The following SLC10A6 variants were observed in gnomAD, a reference collection of about 807,000 sequenced individuals.
SLC10A6 encodes the protein sodium-dependent organic anion transporter.
A neutral mutation model predicts 30.0 loss-of-function variants in SLC10A6; 27 were observed. The ratio of observed to expected loss-of-function variants is 0.90; its 90% CI spans 0.66 to 1.24. The LOEUF (loss-of-function observed/expected upper bound fraction) is 1.24. Ranked by LOEUF, SLC10A6 falls within the 50% of genes most tolerant of loss-of-function variation. SLC10A6 has a pLI of 0.00. For missense variants in SLC10A6, 439 were observed against 457.0 expected, an observed-to-expected ratio of 0.96 and a Z score of 0.36; for synonymous variants, 166 against 173.8, an observed-to-expected ratio of 0.95 and a Z score of 0.36.
chr4:86,834,892 G>A (rs1000178970), intron 1 of SLC10A6, among the ~76,000 whole-genome samples: 3 of 152,054 alleles, frequency 2.0e-5, no homozygotes, highest in South Asian at 2.1e-4. Context: ...AGGGAGCAAG[G>A]GAGAGTGAGA....
At chr4:86,842,036 C>T (rs1746300802) in intron 1 of SLC10A6, among the ~76,000 whole-genome samples, 1 of 152,132 alleles carries the variant, frequency 6.6e-6, no homozygotes, top group South Asian at 2.1e-4. Context: ...TACATAATAA[C>T]TCTATGTGTG....
chr4:86,824,720 C>T (rs145014941), intron 5 of SLC10A6, among the ~76,000 whole-genome samples: 1 of 152,134 alleles, frequency 6.6e-6, no homozygotes, highest in East Asian at 1.9e-4. Context: ...TCAACCTTCG[C>T]CCCCTCCCTC....
At chr4:86,839,481 C>G (rs771377934) in intron 1 of SLC10A6, among the ~76,000 whole-genome samples, 2 of 152,024 alleles carry the variant, frequency 1.3e-5, no homozygotes, top group Non-Finnish European at 2.9e-5. Context: ...TTATAATATA[C>G]CTTACTCTGC....
At chr4:86,834,366 T>G (rs1435798912) in intron 1 of SLC10A6, among the ~76,000 whole-genome samples, 2 of 152,188 alleles carry the variant, frequency 1.3e-5, no homozygotes, top group Non-Finnish European at 2.9e-5. Context: ...ACCTGTTTTA[T>G]TTAGAAATTA....
chr4:86,835,621 C>G (rs1157817998), intron 1 of SLC10A6, among the ~76,000 whole-genome samples: 1 of 151,566 alleles, frequency 6.6e-6, no homozygotes, highest in Non-Finnish European at 1.5e-5. Flanking sequence ...GAGCCACGAT[C>G]ATGCCACTGC....
intron 1 of SLC10A6, among the ~76,000 whole-genome samples, chr4:86,843,468 C>T (rs779006918): frequency 3.3e-5 from 5 of 152,128 alleles, no homozygotes; most frequent in Non-Finnish European, 5.9e-5. Flanking sequence ...GGAAGGGGGA[C>T]ATTTGGACTT....
At chr4:86,848,371 A>G (rs999429126) in intron 1 of SLC10A6, among the ~76,000 whole-genome samples, 1 of 152,184 alleles carries the variant, frequency 6.6e-6, no homozygotes, top group Non-Finnish European at 1.5e-5. Context: ...GGCTGCTACC[A>G]AACCACAATC....
At chr4:86,832,877 A>C (rs943507425) in intron 2 of SLC10A6, among the ~76,000 whole-genome samples, 8 of 152,218 alleles carry the variant, frequency 5.3e-5, no homozygotes, top group African/African-American at 1.9e-4. Context: ...AGGTGAAGTC[A>C]CAGGAAGGTC....
In SLC10A6 at chr4:86,823,882, T is replaced by G. The variant is rs1299420540; in HGVS notation, c.940A>C (p.Arg314=). Residue 314 remains arginine (R), a synonymous_variant, in exon 6 of 6, where the codon AGA becomes CGA. Coordinates refer to ENST00000273905, the MANE Select transcript of SLC10A6 (RefSeq NM_197965.3). The part of the protein sequence containing the change: ...IVAAYQTYKR[R]LKNKHGKKNS... ...TTTTTTCCATGTTTGTTCTTCAATCTCCTCTTGTACGTCTGATATGCTAGG... is the reference window on the plus strand; with the variant it reads ...TTTTTTCCATGTTTGTTCTTCAATCGCCTCTTGTACGTCTGATATGCTAGG... The G allele has an allele frequency of 1.2e-6, 2 of 1,612,272 alleles. No individual in the cohort carries two copies. The highest frequency in any genetic ancestry group is 2.7e-5 in the African/African-American group (2 of 74,874).
At chr4:86,843,327 T>G (rs1746340818) in intron 1 of SLC10A6, among the ~76,000 whole-genome samples, 1 of 152,058 alleles carries the variant, frequency 6.6e-6, no homozygotes, top group African/African-American at 2.4e-5. Flanking sequence ...ATATAGTAGG[T>G]GAGGCAGACA....
chr4:86,836,301 T>C (rs1007799390), intron 1 of SLC10A6, among the ~76,000 whole-genome samples: 1 of 152,184 alleles, frequency 6.6e-6, no homozygotes, highest in African/African-American at 2.4e-5. Context: ...AGTACTTGGT[T>C]TGAAGTCCTC....
rs142524007 is a variant in SLC10A6, at chr4:86,839,796, C to T, written c.378-6372G>A. On this transcript the variant is annotated intron_variant, in intron 1 of 5. Coordinates refer to ENST00000273905, the MANE Select transcript of SLC10A6 (RefSeq NM_197965.3). The stretch of plus-strand genomic sequence containing the variant: ...TTAATATATACTTTCAGACTACTTT[C>T]CAAAAAGATTGCTACATTTCACAAT... Among the ~76,000 whole-genome samples, 1,442 of 152,222 alleles carry T rather than the reference C, an allele frequency of 9.5e-3. 28 individuals carry two copies. Among genetic ancestry groups the T allele is most frequent in the African/African-American group, 0.033 (1,385 of 41,550 alleles).
chr4:86,837,281 A>AAGAG (rs1273692050), intron 1 of SLC10A6, among the ~76,000 whole-genome samples: 1,293 of 90,142 alleles, frequency 0.014, 134 homozygotes, highest in African/African-American at 0.058. Flanking sequence ...GAAAGAAAGA[A>AAGAG]AGAAAAAGAA....
At chr4:86,835,061 T>C (rs1746156998) in intron 1 of SLC10A6, among the ~76,000 whole-genome samples, 1 of 152,132 alleles carries the variant, frequency 6.6e-6, no homozygotes, top group African/African-American at 2.4e-5. Flanking sequence ...TGGAATCACA[T>C]TTCAACATGA....
At chr4:86,843,764 T>C (rs1031403362) in intron 1 of SLC10A6, among the ~76,000 whole-genome samples, 1 of 152,106 alleles carries the variant, frequency 6.6e-6, no homozygotes, top group African/African-American at 2.4e-5. Flanking sequence ...GCCTGCCTTA[T>C]ATAATAATAA....
chr4:86,836,666 T>C (rs1273209202), intron 1 of SLC10A6, among the ~76,000 whole-genome samples: 1 of 152,184 alleles, frequency 6.6e-6, no homozygotes, highest in African/African-American at 2.4e-5. Flanking sequence ...CAGCACAAAA[T>C]GGACTAAGAC....
At chr4:86,828,242 G>A in intron 3 of SLC10A6, 74 bp from the exon 4 acceptor site, 2 of 1,470,030 alleles carry the variant, frequency 1.4e-6, no homozygotes, top group East Asian at 2.4e-5. Context: ...CATCAAGGTT[G>A]TAAAATGCTT....
At chr4:86,830,999 G>A (rs1746070861) in intron 3 of SLC10A6, among the ~76,000 whole-genome samples, 1 of 152,030 alleles carries the variant, frequency 6.6e-6, no homozygotes, top group African/African-American at 2.4e-5. Context: ...TAGAGATGGG[G>A]TCTCACTCTG....
intron 1 of SLC10A6, among the ~76,000 whole-genome samples, chr4:86,846,113 G>A (rs1372538835): frequency 6.6e-6 from 1 of 152,154 alleles, no homozygotes; most frequent in African/African-American, 2.4e-5. Context: ...GATCCACTGA[G>A]TTTTGCTTAA....
Sources: allele counts gnomAD v4.1 joint callset (sites outside exome capture counted in the v4.1 genomes callset), GRCh38; gene constraint gnomAD v4.1.1; transcripts MANE v1.5; gene names NCBI Gene and HGNC (gene_info 2026-07-23, HGNC 2026-07-21).